The following SIDT2 variants were observed in gnomAD, a reference collection of about 807,000 sequenced individuals.
SIDT2 encodes SID1 transmembrane family, member 2.
SIDT2 carries 68 observed loss-of-function variants against 114.4 expected under a neutral mutation model. The observed-to-expected ratio is 0.59, with a 90% CI of 0.49 to 0.73. SIDT2 has a LOEUF of 0.73. Ranked by LOEUF, SIDT2 falls within the 30% of genes least tolerant of loss-of-function variation. The pLI is 0.00. For missense variants in SIDT2, 918 were observed against 1,097.1 expected (o/e 0.84, Z 2.31); for synonymous variants, 470 against 438.4 (o/e 1.07, Z -0.90).
In SIDT2 at chr11:117,192,184, C is replaced by T; in HGVS notation, c.1873-70C>T. On this transcript the variant is annotated intron_variant, in intron 19 of 25. Transcript: ENST00000324225. This position sits in a 1 kb window ranked among gnomAD's most constrained non-coding sequence, Gnocchi z 5.9. ...CCCAGCCTGGCTGAGCAGCCAGCCC[C>T]AGGAAGGGTGGGCCATCCGAGCCAC... is the stretch of plus-strand genomic sequence containing the variant. 1 of 1,483,454 alleles carries T rather than the reference C, an allele frequency of 6.7e-7. No individual in the cohort carries two copies. The highest frequency in any genetic ancestry group is 9.4e-7 in the Non-Finnish European group (1 of 1,064,664). 91.9% of individuals were successfully genotyped at this position (1,483,454 alleles called of 1,614,324 possible). A position where few individuals can be genotyped will look rare whatever the true frequency, so the allele number is the denominator to read the frequency against.
At chr11:117,185,270 C>CA (rs2030452959) in intron 8 of SIDT2, among the ~76,000 whole-genome samples, 1 of 151,880 alleles carries the variant, frequency 6.6e-6, no homozygotes, top group African/African-American at 2.4e-5. Context: ...AGGATGGTCT[C>CA]AATCTCCTGA....
intron 13 of SIDT2, 22 bp from the exon 14 acceptor site, chr11:117,189,147 G>T (rs780511342): frequency 1.9e-6 from 3 of 1,613,154 alleles, no homozygotes; most frequent in Middle Eastern, 3.3e-4. Context: ...AGTAAGTGGG[G>T]CTGATTCCAG....
intron 6 of SIDT2, 146 bp from the exon 7 acceptor site, chr11:117,183,633 C>T (rs936117137): frequency 3.8e-5 from 24 of 629,060 alleles, no homozygotes; most frequent in African/African-American, 7.7e-5. Context: ...AGTGAAACTC[C>T]GTCTCAAAAA....
intron 8 of SIDT2, among the ~76,000 whole-genome samples, chr11:117,185,199 G>A (rs921443903): frequency 5.9e-5 from 9 of 152,114 alleles, no homozygotes; most frequent in Admixed American, 4.6e-4. Flanking sequence ...ACAGGTGCCC[G>A]CCACCACGCC....
At chr11:117,183,018 C>A (rs184173060) in intron 6 of SIDT2, among the ~76,000 whole-genome samples, 103 of 152,260 alleles carry the variant, frequency 6.8e-4, no homozygotes, top group African/African-American at 2.2e-3. Context: ...TAGAGTACCC[C>A]CTTCTGGCTG....
At chr11:117,193,769 G>A in intron 23 of SIDT2, 84 bp from the exon 24 acceptor site, 5 of 982,110 alleles carry the variant, frequency 5.1e-6, no homozygotes, top group Non-Finnish European at 8.0e-6. Context: ...CATGAGGAAA[G>A]GGAATCTGGG....
intron 18 of SIDT2, chr11:117,191,017 C>A: frequency 3.7e-6 from 1 of 269,434 alleles, no homozygotes; most frequent in Non-Finnish European, 7.1e-6. Context: ...GTGGCTCACG[C>A]CTGTAATCCC....
At chr11:117,189,674 A>G (rs2030630276) in intron 15 of SIDT2, 3 of 598,522 alleles carry the variant, frequency 5.0e-6, no homozygotes, top group Non-Finnish European at 8.9e-6. Context: ...GGGGCTTTGT[A>G]AGCATCAGTT....
chr11:117,192,098 C>T lies in SIDT2; in HGVS notation c.1872+84C>T. On this transcript the variant is annotated intron_variant, in intron 19 of 25. Transcript: ENST00000324225. This position sits in a 1 kb window ranked among gnomAD's most constrained non-coding sequence, Gnocchi z 5.9. ...GACACGTAGTGCACACCCTCCGCCA[C>T]CTCCTGCATGAGAGATTCCTGCTCC... 1 of 1,588,170 alleles carries T rather than the reference C, an allele frequency of 6.3e-7. No individual in the cohort carries two copies. The highest frequency in any genetic ancestry group is 8.6e-7 in the Non-Finnish European group (1 of 1,163,222).
At chr11:117,185,446 C>T (rs976988799) in intron 8 of SIDT2, among the ~76,000 whole-genome samples, 3 of 152,132 alleles carry the variant, frequency 2.0e-5, no homozygotes, top group South Asian at 2.1e-4. Context: ...TTGGTGGGGG[C>T]GGGGTCCTGT....
rs768081456 is a variant in SIDT2, at chr11:117,188,778, C to T, written c.1230C>T (p.Tyr410=). Residue 410 remains tyrosine (Y), a synonymous_variant, in exon 13 of 26, where the codon TAC becomes TAT. Transcript: ENST00000324225. The surrounding 1 kb of genome is among the most constrained non-coding windows in gnomAD (Gnocchi z 4.0). ...DSMSSVEEDD[Y]DTLTDIDSDK... The stretch of plus-strand genomic sequence containing the variant: ...TGAGCTCTGTGGAGGAGGATGACTA[C>T]GACACATTGACCGACATCGATTCCG... The T allele has an allele frequency of 1.5e-5, 25 of 1,614,044 alleles. No individual in the cohort carries two copies. The highest frequency in any genetic ancestry group is 4.4e-5 in the South Asian group (4 of 91,088).
intron 22 of SIDT2, 123 bp from the exon 23 acceptor site, chr11:117,193,030 A>G: frequency 1.5e-6 from 2 of 1,345,040 alleles, no homozygotes; most frequent in Admixed American, 3.4e-5. Flanking sequence ...CTGGGCTTCT[A>G]GAATCTTCTG....
rs1591763924 is a variant in SIDT2 at position 117,179,174 on chromosome 11, G to T, written c.-90G>T. 1 of 1,294,432 alleles carries T rather than the reference G, an allele frequency of 7.7e-7. No homozygotes were observed. The highest frequency in any genetic ancestry group is 2.4e-5 in the East Asian group (1 of 42,244). The allele number at this position is 1,294,432 out of a possible 1,614,324, so 80.2% of individuals were successfully genotyped here. A position where few individuals can be genotyped will look rare whatever the true frequency, so the allele number is the denominator to read the frequency against. ...GTCCTGGTGAGATGCTGGAAGCTGC[G>T]GCCGCAGCCGCAACCCGTCCCGGAG... On this transcript the variant is annotated 5_prime_UTR_variant, in exon 1 of 26. Transcript: ENST00000324225.
At chr11:117,194,555 G>C (rs79043792) in intron 24 of SIDT2, among the ~76,000 whole-genome samples, 3,647 of 152,330 alleles carry the variant, frequency 0.024, 76 homozygotes, top group South Asian at 0.098. Flanking sequence ...CCACATGTCA[G>C]GCTTTAATTC....
Position 117,188,611 on chromosome 11 carries a change from C to T in SIDT2, c.1160-97C>T. On this transcript the variant is annotated intron_variant, in intron 12 of 25. Coordinates refer to ENST00000324225, the MANE Select transcript of SIDT2 (RefSeq NM_001040455.2). This position sits in a 1 kb window ranked among gnomAD's most constrained non-coding sequence, Gnocchi z 4.0. Reference sequence around the variant, plus strand: ...GCCCAGCCCACAATTTGCCTCTTCCCTACTGCCTAATAATTGTTACAATTG... The same window carrying T: ...GCCCAGCCCACAATTTGCCTCTTCCTTACTGCCTAATAATTGTTACAATTG... 1 of 963,046 alleles carries T rather than the reference C, an allele frequency of 1.0e-6. No homozygotes were observed. The highest frequency in any genetic ancestry group is 1.7e-6 in the Non-Finnish European group (1 of 603,116). 59.7% of individuals were successfully genotyped at this position (963,046 alleles called of 1,614,324 possible).
intron 23 of SIDT2, among the ~76,000 whole-genome samples, chr11:117,193,488 G>A (rs912501998): frequency 1.3e-5 from 2 of 152,220 alleles, no homozygotes; most frequent in Non-Finnish European, 2.9e-5. Flanking sequence ...TTAGGCTGCA[G>A]TTGTAAGTGC....
rs890378352 is a variant in SIDT2, at chr11:117,187,972, G to T, written c.1159+273G>T. On this transcript the variant is annotated intron_variant, in intron 12 of 25. Transcript: ENST00000324225. ...TGCCATGGGTAGACCTGGGGTGGGGGTAGGGCTGTTTTGCCAATCAGTGCC... is the reference window on the plus strand; with the variant it reads ...TGCCATGGGTAGACCTGGGGTGGGGTTAGGGCTGTTTTGCCAATCAGTGCC... The T allele has an allele frequency of 6.2e-6, 4 of 647,732 alleles. 1 individual carries two copies. Among genetic ancestry groups the T allele is most frequent in the Non-Finnish European group, 8.6e-6 (3 of 349,754 alleles). The allele number at this position is 647,732 out of a possible 1,614,324, so 40.1% of individuals were successfully genotyped here.
chr11:117,182,996 G>T lies in SIDT2; in HGVS notation c.702+190G>T, dbSNP rs535150142. Among the ~76,000 whole-genome samples the T allele has an allele frequency of 2.4e-4, 36 of 152,318 alleles. No individual in the cohort carries two copies. In the South Asian group the frequency reaches 4.6e-3, roughly 19 times the overall value. On this transcript the variant is annotated intron_variant, in intron 6 of 25. Coordinates refer to ENST00000324225, the MANE Select transcript of SIDT2 (RefSeq NM_001040455.2). ...TACCATAATCCCAGTTGCTCTTGGGGATGGGAAAGAGTAGAGTACCCCCTT... is the reference window on the plus strand; with the variant it reads ...TACCATAATCCCAGTTGCTCTTGGGTATGGGAAAGAGTAGAGTACCCCCTT...
rs1179149040 is a variant in SIDT2 at position 117,178,883 on chromosome 11, C to A, written c.-381C>A. On this transcript the variant is annotated 5_prime_UTR_variant, in exon 1 of 26. Coordinates refer to ENST00000324225, the MANE Select transcript of SIDT2 (RefSeq NM_001040455.2). Reference sequence around the variant, plus strand: ...GACTCGCCTTCCTCCGCGGCCAGCCCCCGCCGCCGGCTCTTCCTCCCTCCC... The same window carrying A: ...GACTCGCCTTCCTCCGCGGCCAGCCACCGCCGCCGGCTCTTCCTCCCTCCC... The A allele has an allele frequency of 9.6e-6, 2 of 208,538 alleles. No homozygotes were observed. The highest frequency in any genetic ancestry group is 1.9e-5 in the Non-Finnish European group (2 of 102,988). 12.9% of individuals were successfully genotyped at this position (208,538 alleles called of 1,614,324 possible).
Sources: gnomAD v4.1 joint callset for allele counts (sites outside exome capture counted in the v4.1 genomes callset) on GRCh38, gnomAD v4.1.1 for gene constraint, Gnocchi (gnomAD v3.1) non-coding constraint, MANE v1.5 for transcripts, NCBI Gene and HGNC (gene_info 2026-07-23, HGNC 2026-07-21) for gene names.